Variants in TM9SF4 observed in about 807,000 individuals in gnomAD.
TM9SF4 encodes transmembrane 9 superfamily member 4.
Under a neutral mutation model 90.4 loss-of-function variants are expected in TM9SF4, and 26 were observed. The ratio of observed to expected loss-of-function variants is 0.29; its 90% confidence interval spans 0.21 to 0.40. TM9SF4 has a LOEUF of 0.40. TM9SF4 is among the 10% of genes least tolerant of loss of function. The pLI is 1.00. For missense variants in TM9SF4, 549 were observed against 834.8 expected, an observed-to-expected ratio of 0.66 and a Z score of 4.22; for synonymous variants, 293 against 315.4, an observed-to-expected ratio of 0.93 and a Z score of 0.75.
intron 1 of TM9SF4, among the ~76,000 whole-genome samples, chr20:32,113,130 C>T (rs1367381823): frequency 6.6e-6 from 1 of 152,154 alleles, no homozygotes; most frequent in Non-Finnish European, 1.5e-5. Flanking sequence ...AGGAACTGAA[C>T]TAGTGGATCC....
At chr20:32,155,567 C>T (rs1358509303) in intron 13 of TM9SF4, among the ~76,000 whole-genome samples, 2 of 152,214 alleles carry the variant, frequency 1.3e-5, no homozygotes, top group African/African-American at 2.4e-5. Context: ...CCCCTCAGCA[C>T]CAGCCCCTGC....
intron 15 of TM9SF4, 73 bp downstream of exon 15, chr20:32,158,587 C>A: frequency 6.7e-7 from 1 of 1,486,744 alleles, no homozygotes; most frequent in Non-Finnish European, 9.4e-7. Context: ...GGGTGCTCTG[C>A]TGCCTACTGC....
At position 32,132,628 on chromosome 20, in the gene TM9SF4, G is replaced by A. The variant is rs534855522; in HGVS notation, c.16-385G>A. Among the ~76,000 whole-genome samples the A allele has an allele frequency of 2.6e-5, 4 of 152,326 alleles. No homozygotes were observed. The South Asian group carries it at 6.2e-4, about 24-fold the overall frequency. On this transcript the variant is annotated intron_variant, in intron 1 of 17. Transcript: ENST00000398022. ...TGGTAACATAGGAGCTTTTGACAGC[G>A]TGAACTAGTTGCTATACAGAGAAAT...
intron 1 of TM9SF4, among the ~76,000 whole-genome samples, chr20:32,125,103 C>T (rs2046400156): frequency 6.6e-6 from 1 of 152,138 alleles, no homozygotes; most frequent in Non-Finnish European, 1.5e-5. Flanking sequence ...CATGGTCACT[C>T]AGCTCACGGT....
At chr20:32,154,722 G>A (rs1253557777) in intron 12 of TM9SF4, among the ~76,000 whole-genome samples, 1 of 152,114 alleles carries the variant, frequency 6.6e-6, no homozygotes, top group Admixed American at 6.5e-5. Context: ...CAAAGTGCTG[G>A]GATTGCAGGC....
chr20:32,161,750 A>G (rs530793723), intron 17 of TM9SF4, among the ~76,000 whole-genome samples: 1 of 152,346 alleles, frequency 6.6e-6, no homozygotes, highest in East Asian at 1.9e-4. Context: ...AGAAAAGTAG[A>G]AAGGAGTTAA....
At chr20:32,112,418 G>A (rs1054876950) in intron 1 of TM9SF4, among the ~76,000 whole-genome samples, 20 of 151,972 alleles carry the variant, frequency 1.3e-4, no homozygotes, top group African/African-American at 4.6e-4. Context: ...ACAACAGGCC[G>A]GGAGCAGTGG....
At chr20:32,123,866 A>ATATT in intron 1 of TM9SF4, among the ~76,000 whole-genome samples, 18 of 93,964 alleles carry the variant, frequency 1.9e-4, no homozygotes, top group Non-Finnish European at 2.3e-4. Context: ...ATATATATAT[A>ATATT]TTTTTTTTTT....
At chr20:32,116,176 A>T (rs755783286) in intron 1 of TM9SF4, 2 of 152,072 alleles carry the variant, frequency 1.3e-5, no homozygotes, top group Non-Finnish European at 2.9e-5. Context: ...GTTTACACAT[A>T]TGCAGCTGTT....
intron 16 of TM9SF4, 61 bp downstream of exon 16, chr20:32,160,172 G>A (rs2122474834): frequency 6.2e-7 from 1 of 1,610,162 alleles, no homozygotes; most frequent in African/African-American, 1.3e-5. Flanking sequence ...TGAACGGGTT[G>A]ATGAGGCTCT....
At chr20:32,139,608 A>T (rs1177524497) in intron 3 of TM9SF4, among the ~76,000 whole-genome samples, 2 of 152,232 alleles carry the variant, frequency 1.3e-5, no homozygotes, top group Non-Finnish European at 1.5e-5. Context: ...TCTTCACAAA[A>T]CAGCCAGAAT....
At chr20:32,149,240 C>G (rs2046806986) in intron 9 of TM9SF4, among the ~76,000 whole-genome samples, 1 of 152,034 alleles carries the variant, frequency 6.6e-6, no homozygotes, top group Non-Finnish European at 1.5e-5. Flanking sequence ...GAATTTCATG[C>G]TACATACCAA....
chr20:32,121,433 G>GT (rs1442705700), intron 1 of TM9SF4, among the ~76,000 whole-genome samples: 1 of 151,964 alleles, frequency 6.6e-6, no homozygotes, highest in Non-Finnish European at 1.5e-5. Context: ...TCAAGCATCT[G>GT]TTTAACAAAG....
At chr20:32,157,431 C>G (rs1432675820) in intron 13 of TM9SF4, among the ~76,000 whole-genome samples, 1 of 152,228 alleles carries the variant, frequency 6.6e-6, no homozygotes, top group African/African-American at 2.4e-5. Flanking sequence ...ATTGGGAGCA[C>G]TTTGTACAGT....
intron 17 of TM9SF4, 103 bp downstream of exon 17, chr20:32,161,468 C>T (rs1214167346): frequency 1.8e-6 from 2 of 1,117,558 alleles, no homozygotes; most frequent in African/African-American, 1.5e-5. Context: ...TCCTTTTCCA[C>T]CCAGAATGGG....
chr20:32,131,093 A>G (rs1040871489), intron 1 of TM9SF4, among the ~76,000 whole-genome samples: 1 of 152,098 alleles, frequency 6.6e-6, no homozygotes. Flanking sequence ...CAATTTACCT[A>G]CTAGTCTTGT....
intron 1 of TM9SF4, among the ~76,000 whole-genome samples, chr20:32,114,578 C>T (rs2046193923): frequency 6.6e-6 from 1 of 152,204 alleles, no homozygotes; most frequent in African/African-American, 2.4e-5. Context: ...AGCAATCCTC[C>T]CGTCTTGACC....
At chr20:32,111,616 A>G (rs1482773687) in intron 1 of TM9SF4, among the ~76,000 whole-genome samples, 1 of 152,214 alleles carries the variant, frequency 6.6e-6, no homozygotes, top group African/African-American at 2.4e-5. Context: ...TGCTGTGAGG[A>G]CAGCAAAATG....
At chr20:32,121,808 C>G (rs1436493950) in intron 1 of TM9SF4, among the ~76,000 whole-genome samples, 6 of 150,152 alleles carry the variant, frequency 4.0e-5, no homozygotes, top group African/African-American at 9.8e-5. Flanking sequence ...ACCTCCTGGA[C>G]GGGGCGGCTG....
Sources: gnomAD v4.1 joint callset for allele counts (sites outside exome capture counted in the v4.1 genomes callset) on GRCh38, gnomAD v4.1.1 for gene constraint, MANE v1.5 for transcripts, NCBI Gene and HGNC (gene_info 2026-07-23, HGNC 2026-07-21) for gene names.